PLEKHG1: variants seen among roughly 807,000 people sequenced by gnomAD.
The protein encoded by PLEKHG1 is pleckstrin homology domain-containing family G member 1.
Under a neutral mutation model 100.8 loss-of-function variants are expected in PLEKHG1, and 44 were observed. That is an observed-to-expected ratio of 0.44 (90% CI 0.34 to 0.56). The LOEUF (loss-of-function observed/expected upper bound fraction) is 0.56, where lower values mean the gene tolerates loss of function less well. PLEKHG1 is among the 20% of genes least tolerant of loss of function. PLEKHG1 has a pLI of 0.01. For missense variants in PLEKHG1, 1,545 were observed against 1,720.9 expected (o/e 0.90, Z 1.81); for synonymous variants, 640 against 662.5 (o/e 0.97, Z 0.52).
intron 1 of PLEKHG1, among the ~76,000 whole-genome samples, chr6:150,635,797 A>G (rs1422112746): frequency 1.3e-5 from 2 of 152,166 alleles, no homozygotes; most frequent in African/African-American, 4.8e-5. Context: ...GTGTATCTTA[A>G]AAAAACGAAA....
intron 3 of PLEKHG1, among the ~76,000 whole-genome samples, chr6:150,710,468 G>A (rs1357482078): frequency 1.3e-5 from 2 of 152,130 alleles, no homozygotes; most frequent in African/African-American, 2.4e-5. Context: ...AAGCGATGAG[G>A]CAGGAACAGA....
intron 1 of PLEKHG1, among the ~76,000 whole-genome samples, chr6:150,603,026 G>A (rs1353410508): frequency 7.4e-6 from 1 of 135,072 alleles, no homozygotes; most frequent in East Asian, 2.3e-4. Flanking sequence ...AGCCTGCAGT[G>A]AGCCGAGATC....
At chr6:150,654,701 C>G (rs1778896154) in intron 3 of PLEKHG1, among the ~76,000 whole-genome samples, 1 of 152,260 alleles carries the variant, frequency 6.6e-6, no homozygotes, top group Non-Finnish European at 1.5e-5. Flanking sequence ...GGTGACCTTG[C>G]TACTGTGTCC....
At chr6:150,650,082 A>G (rs1311453234) in intron 2 of PLEKHG1, among the ~76,000 whole-genome samples, 1 of 151,944 alleles carries the variant, frequency 6.6e-6, no homozygotes, top group South Asian at 2.1e-4. Context: ...AAGAAAGAAA[A>G]AAAAAACCAA....
intron 3 of PLEKHG1, among the ~76,000 whole-genome samples, chr6:150,712,407 GTTC>G (rs1412467076): frequency 2.0e-5 from 3 of 152,122 alleles, no homozygotes; most frequent in Non-Finnish European, 4.4e-5. Flanking sequence ...AATTCATTCT[GTTC>G]TTCTTATATT....
chr6:150,833,162 CCT>C (rs1450889759), intron 15 of PLEKHG1, among the ~76,000 whole-genome samples: 1 of 151,950 alleles, frequency 6.6e-6, no homozygotes, highest in Non-Finnish European at 1.5e-5. Flanking sequence ...CCCACCTCAG[CCT>C]CTCTAGTAGC....
At position 150,818,271 on chromosome 6, in the gene PLEKHG1, C is replaced by G. The variant is rs1776101512; in HGVS notation, c.1312+55C>G. The G allele has an allele frequency of 5.7e-6, 7 of 1,225,932 alleles. No homozygotes were observed. In the South Asian group the frequency reaches 8.8e-5, roughly 15 times the overall value. 75.9% of individuals were successfully genotyped at this position (1,225,932 alleles called of 1,614,324 possible). A position where few individuals can be genotyped will look rare whatever the true frequency, so the allele number is the denominator to read the frequency against. ...AATTTCATTGTCTGTTTGTATCTATCACATTTTCTATCTTAAAGTTCATGA... is the reference window on the plus strand; with the variant it reads ...AATTTCATTGTCTGTTTGTATCTATGACATTTTCTATCTTAAAGTTCATGA... On this transcript the variant is annotated intron_variant, in intron 11 of 15. Transcript: ENST00000358517.
chr6:150,821,797 C>G (rs1424361957), intron 13 of PLEKHG1, among the ~76,000 whole-genome samples: 1 of 151,450 alleles, frequency 6.6e-6, no homozygotes, highest in Non-Finnish European at 1.5e-5. Context: ...TAAAGAAACT[C>G]CATACATCAA....
chr6:150,727,770 G>A (rs942174056), intron 1 of PLEKHG1, among the ~76,000 whole-genome samples: 1 of 152,172 alleles, frequency 6.6e-6, no homozygotes, highest in Admixed American at 6.5e-5. Flanking sequence ...GGTGGAACCA[G>A]CTTATTTTAG....
At chr6:150,775,003 T>A (rs1304161872) in intron 3 of PLEKHG1, among the ~76,000 whole-genome samples, 1 of 152,164 alleles carries the variant, frequency 6.6e-6, no homozygotes, top group African/African-American at 2.4e-5. Flanking sequence ...AAATCTTCCA[T>A]CATGAAATGT....
intron 3 of PLEKHG1, among the ~76,000 whole-genome samples, chr6:150,690,735 C>T (rs1246196866): frequency 1.3e-5 from 2 of 152,334 alleles, no homozygotes; most frequent in Admixed American, 1.3e-4. Context: ...CCCACTCACT[C>T]TCTCAAAGAT....
intron 3 of PLEKHG1, among the ~76,000 whole-genome samples, chr6:150,672,946 TG>T (rs1779627637): frequency 1.3e-5 from 2 of 152,244 alleles, no homozygotes; most frequent in Non-Finnish European, 2.9e-5. Flanking sequence ...TTGCATATTC[TG>T]GCAAGATTTC....
intron 1 of PLEKHG1, among the ~76,000 whole-genome samples, chr6:150,632,459 G>T (rs1309848411): frequency 6.6e-6 from 1 of 152,392 alleles, no homozygotes; most frequent in Admixed American, 6.5e-5. Flanking sequence ...ATGGAGGACA[G>T]TCAGACTTGG....
chr6:150,689,098 C>A (rs529908577), intron 3 of PLEKHG1, among the ~76,000 whole-genome samples: 1 of 152,290 alleles, frequency 6.6e-6, no homozygotes, highest in African/African-American at 2.4e-5. Flanking sequence ...TTTGCCCATT[C>A]TCCTCTGGGA....
chr6:150,708,173 T>C (rs1781101226), intron 3 of PLEKHG1, among the ~76,000 whole-genome samples: 1 of 152,198 alleles, frequency 6.6e-6, no homozygotes, highest in Non-Finnish European at 1.5e-5. Context: ...CTCTTGGTTT[T>C]GGTTTTTCGG....
intron 1 of PLEKHG1, among the ~76,000 whole-genome samples, chr6:150,610,038 C>T (rs781015665): frequency 3.3e-5 from 5 of 152,202 alleles, no homozygotes; most frequent in Admixed American, 6.5e-5. Context: ...CAAGCACCTA[C>T]GAAGCAGGTA....
chr6:150,642,617 A>G (rs1300512989), intron 2 of PLEKHG1, among the ~76,000 whole-genome samples: 1 of 152,246 alleles, frequency 6.6e-6, no homozygotes, highest in Non-Finnish European at 1.5e-5. Context: ...TGTGCCAGCC[A>G]TCCCACTGGC....
rs557716597 is a variant in PLEKHG1 at position 150,804,657 on chromosome 6, G to A, written c.828G>A (p.Val276=). ...AGGACACAGAAGGCTATGATGTGGT[G>A]CTTGATGCTATAGACACAATGCAGC... The change falls in exon 7 of 16, where the codon GTG becomes GTA. Residue 276 remains valine (V), a synonymous_variant. Transcript: ENST00000358517. The A allele has an allele frequency of 3.3e-5, 54 of 1,613,324 alleles. 2 individuals are homozygous for A. The South Asian group carries it at 5.2e-4, about 15-fold the overall frequency.
At chr6:150,715,107 G>A (rs1183959690) in intron 3 of PLEKHG1, among the ~76,000 whole-genome samples, 1 of 151,970 alleles carries the variant, frequency 6.6e-6, no homozygotes, top group Non-Finnish European at 1.5e-5. Context: ...CCTACTGACA[G>A]GTATTTTTTA....
Sources: gnomAD v4.1 joint callset for allele counts (sites outside exome capture counted in the v4.1 genomes callset) on GRCh38, gnomAD v4.1.1 for gene constraint, MANE v1.5 for transcripts, NCBI Gene and HGNC (gene_info 2026-07-23, HGNC 2026-07-21) for gene names.